The following HERC1 variants were observed in gnomAD, a reference collection of about 807,000 sequenced individuals.
The protein encoded by HERC1 is HECT and RLD domain containing E3 ubiquitin protein ligase family member 1.
In HERC1, 160 loss-of-function variants were observed where a neutral mutation model predicts 554.3. The ratio of observed to expected loss-of-function variants is 0.29; its 90% CI spans 0.25 to 0.33. The LOEUF (loss-of-function observed/expected upper bound fraction) is 0.33. HERC1 is among the 10% of genes least tolerant of loss of function. The probability of loss-of-function intolerance (pLI) is 1.00; values close to 1 mark genes in which losing one functional copy is unlikely to be tolerated. For synonymous variants in HERC1, 2,175 were observed against 2,131.7 expected (o/e 1.02, Z -0.56); for missense variants, 4,919 against 5,918.5 (o/e 0.83, Z 5.54).
At chr15:63,639,814 T>C (rs79686310) in intron 61 of HERC1, among the ~76,000 whole-genome samples, 213 of 152,302 alleles carry the variant, frequency 1.4e-3, no homozygotes, top group African/African-American at 4.8e-3. Flanking sequence ...ATGTGGCATA[T>C]AACCCACAAG....
chr15:63,651,218 T>G (rs2069658488), intron 53 of HERC1, 35 bp downstream of exon 53: 2 of 1,605,310 alleles, frequency 1.2e-6, no homozygotes, highest in Non-Finnish European at 1.7e-6. Context: ...AAAAAACTAC[T>G]TTCAGCAGTT....
At chr15:63,634,016 A>G in intron 66 of HERC1, 46 bp from the exon 67 acceptor site, 2 of 1,606,538 alleles carry the variant, frequency 1.2e-6, no homozygotes, top group Non-Finnish European at 1.7e-6. Flanking sequence ...AAGACCTAAA[A>G]CACACTCCCC....
Position 63,645,039 on chromosome 15 carries a change from T to C in HERC1, c.11137A>G (p.Asn3713Asp), listed in dbSNP as rs2069263643. 6.2e-7 allele frequency: 1 copy of C among 1,613,838 alleles called. No homozygotes were observed. The highest frequency in any genetic ancestry group is 8.5e-7 in the Non-Finnish European group (1 of 1,179,776). The change falls in exon 57 of 78, where the codon AAT becomes GAT. Residue 3713 changes from asparagine to aspartate, a missense_variant. Physicochemically the swap from Asn to Asp is conservative, Grantham distance 23. Coordinates refer to ENST00000443617, the MANE Select transcript of HERC1 (RefSeq NM_003922.4). ...WRIPQDTTQT[N>D]VTSAEGWWEQ... is the part of the protein sequence containing the mutation. ...CACCATCCTTCTGCACTAGTCACAT[T>C]GGTCTGTGTAGTATCTTGAGGAATG...
chr15:63,798,542 C>G (rs2076879362), intron 1 of HERC1, among the ~76,000 whole-genome samples: 1 of 139,602 alleles, frequency 7.2e-6, no homozygotes, highest in Non-Finnish European at 1.5e-5. Context: ...TATCTTCAAA[C>G]TTTACAAAAA....
chr15:63,638,920 A>C (rs2068907028), intron 61 of HERC1, 144 bp from the exon 62 acceptor site: 9 of 677,216 alleles, frequency 1.3e-5, no homozygotes, highest in East Asian at 2.6e-5. Context: ...CAGTTTTATA[A>C]TTATGTCAAA....
At chr15:63,638,947 G>T (rs377649950) in intron 61 of HERC1, among the ~76,000 whole-genome samples, 171 bp from the exon 62 acceptor site, 63 of 152,284 alleles carry the variant, frequency 4.1e-4, no homozygotes, top group African/African-American at 1.4e-3. Flanking sequence ...TTTATGCACT[G>T]TCAGTATTTC....
At position 63,738,552 on chromosome 15, in the gene HERC1, TAAAA is replaced by T. The variant is rs562465061; in HGVS notation, c.2521-3707_2521-3704del. Among the ~76,000 whole-genome samples the T allele has an allele frequency of 2.7e-3, 416 of 152,106 alleles. 1 individual carries two copies. Among genetic ancestry groups the T allele is most frequent in the African/African-American group, 9.4e-3 (391 of 41,494 alleles). Reference sequence around the variant, plus strand: ...TCCTTAAGTCTACAGGTAGTTCAAATAAAAAAATTTTTTAAAGAAGAAAATTCAG... The same window carrying T: ...TCCTTAAGTCTACAGGTAGTTCAAATAAATTTTTTAAAGAAGAAAATTCAG... On this transcript the variant is annotated intron_variant, in intron 12 of 77. Coordinates refer to ENST00000443617, the MANE Select transcript of HERC1 (RefSeq NM_003922.4).
In HERC1 at chr15:63,692,445, C is replaced by A; in HGVS notation, c.5796G>T (p.Val1932=). 1 of 1,611,070 alleles carries A rather than the reference C, an allele frequency of 6.2e-7. No individual in the cohort carries two copies. Among genetic ancestry groups the A allele is most frequent in the Admixed American group, 1.7e-5 (1 of 59,194 alleles). Reference sequence around the variant, plus strand: ...ATTTCTGAGATGCTATATTTAGAAGCACTTCGGTCCACTTTGGGGAAGCCA... The same window carrying A: ...ATTTCTGAGATGCTATATTTAGAAGAACTTCGGTCCACTTTGGGGAAGCCA... ...SKMASPKWTE[V]LLNIASQKCS... Residue 1932 remains valine, a synonymous_variant, in exon 31 of 78, where the codon GTG becomes GTT. Coordinates refer to ENST00000443617, the MANE Select transcript of HERC1 (RefSeq NM_003922.4). This position sits in a 1 kb window ranked among gnomAD's most constrained non-coding sequence, Gnocchi z 4.7.
At chr15:63,787,578 G>A (rs971602358) in intron 1 of HERC1, among the ~76,000 whole-genome samples, 1 of 152,004 alleles carries the variant, frequency 6.6e-6, no homozygotes, top group African/African-American at 2.4e-5. Flanking sequence ...AAAAAAGTTC[G>A]CTACATCAAG....
chr15:63,636,218 A>G, intron 64 of HERC1, 76 bp from the exon 65 acceptor site: 8 of 1,285,302 alleles, frequency 6.2e-6, no homozygotes, highest in Non-Finnish European at 8.7e-6. Context: ...GCTACTGAAT[A>G]CCCTCAATCA....
chr15:63,780,433 A>ATT (rs2076253290), intron 1 of HERC1: 2 of 152,212 alleles, frequency 1.3e-5, no homozygotes, highest in African/African-American at 4.8e-5. Context: ...AAAAAGGTAA[A>ATT]ACAGAAGGCC....
At chr15:63,653,336 G>A (rs991580298) in intron 51 of HERC1, among the ~76,000 whole-genome samples, 5 of 151,936 alleles carry the variant, frequency 3.3e-5, no homozygotes, top group South Asian at 2.1e-4. Flanking sequence ...CCAGCTATGC[G>A]GGAGGCTGAG....
At chr15:63,670,322 C>G (rs533045131) in intron 39 of HERC1, among the ~76,000 whole-genome samples, 1 of 152,322 alleles carries the variant, frequency 6.6e-6, no homozygotes, top group Non-Finnish European at 1.5e-5. Context: ...GGGAGAACCC[C>G]TCTTCAGTTG....
chr15:63,746,772 C>G, intron 12 of HERC1, 146 bp downstream of exon 12: 1 of 693,368 alleles, frequency 1.4e-6, no homozygotes, highest in Non-Finnish European at 2.3e-6. Context: ...GATGAGTTAA[C>G]CAAAAATACT....
chr15:63,615,289 G>T (rs1046151896), intron 76 of HERC1, among the ~76,000 whole-genome samples: 2 of 152,158 alleles, frequency 1.3e-5, no homozygotes, highest in Non-Finnish European at 2.9e-5. Flanking sequence ...GGCCTGAGAA[G>T]TCTCTGAATA....
chr15:63,674,272 T>C, intron 38 of HERC1, 70 bp downstream of exon 38: 1 of 1,291,770 alleles, frequency 7.7e-7, no homozygotes, highest in South Asian at 2.0e-5. Flanking sequence ...ACAGAATGTA[T>C]CACTTCTGAC....
At position 63,680,519 on chromosome 15, in the gene HERC1, G is replaced by A. The variant is rs753867735; in HGVS notation, c.6465+18C>T. The A allele has an allele frequency of 6.2e-7, 1 of 1,611,486 alleles. No individual in the cohort carries two copies. Among genetic ancestry groups the A allele is most frequent in the East Asian group, 2.2e-5 (1 of 44,820 alleles). The stretch of plus-strand genomic sequence containing the variant: ...TAGAAACAAGAAAAATGTAATGCTT[G>A]TGAATGGGTGTCGGTACCTCTCCAT... On this transcript the variant is annotated intron_variant, in intron 35 of 77. Coordinates refer to ENST00000443617, the MANE Select transcript of HERC1 (RefSeq NM_003922.4). The surrounding 1 kb of genome is among the most constrained non-coding windows in gnomAD (Gnocchi z 5.8).
intron 1 of HERC1, among the ~76,000 whole-genome samples, chr15:63,821,726 C>CAAAAAAAAAAAAAAA (rs35074987): frequency 8.0e-5 from 5 of 62,470 alleles, no homozygotes; most frequent in African/African-American, 1.4e-4. Flanking sequence ...TACCCTGTCT[C>CAAAAAAAAAAAAAAA]AAAAAAAAAA....
intron 54 of HERC1, among the ~76,000 whole-genome samples, chr15:63,649,376 AC>A (rs2069550800): frequency 3.3e-5 from 5 of 151,916 alleles, no homozygotes; most frequent in Admixed American, 1.3e-4. Flanking sequence ...CAAAACACAC[AC>A]AAAAAAAACA....
Sources: allele counts gnomAD v4.1 joint callset (sites outside exome capture counted in the v4.1 genomes callset), GRCh38; gene constraint gnomAD v4.1.1; non-coding constraint Gnocchi (gnomAD v3.1); transcripts MANE v1.5; gene names NCBI Gene and HGNC (gene_info 2026-07-23, HGNC 2026-07-21).